The following ADAM7 variants were observed in gnomAD, a reference collection of about 807,000 sequenced individuals.
ADAM7 encodes the protein ADAM metallopeptidase domain 7, also known as disintegrin and metalloproteinase domain-containing protein 7.
Under a neutral mutation model 102.9 loss-of-function variants are expected in ADAM7, and 97 were observed. The ratio of observed to expected loss-of-function variants is 0.94; its 90% CI spans 0.80 to 1.12. The LOEUF (loss-of-function observed/expected upper bound fraction) is 1.12. ADAM7 is among the 50% of genes most tolerant of loss of function. ADAM7 has a pLI of 0.00. For synonymous variants in ADAM7, 334 were observed against 304.4 expected (o/e 1.10, Z -1.01); for missense variants, 991 against 908.7 (o/e 1.09, Z -1.16).
In ADAM7 at chr8:24,493,049, C is replaced by T. The variant is rs1305137094; in HGVS notation, c.1662C>T (p.Val554=). The part of the protein sequence containing the change: ...NRFLPCEEKD[V]RCGKIYCTGG... Reference sequence around the variant, plus strand: ...TATTCTGCCTTTCCTTCAGAGATGTCAGATGTGGAAAGATCTACTGCACTG... The same window carrying T: ...TATTCTGCCTTTCCTTCAGAGATGTTAGATGTGGAAAGATCTACTGCACTG... The change falls in exon 16 of 22, where the codon GTC becomes GTT. Residue 554 remains valine (V), a synonymous_variant. Coordinates refer to ENST00000175238, the MANE Select transcript of ADAM7 (RefSeq NM_003817.4). 6.3e-7 allele frequency: 1 copy of T among 1,579,626 alleles called. No individual in the cohort carries two copies. The highest frequency in any genetic ancestry group is 8.6e-7 in the Non-Finnish European group (1 of 1,168,412).
chr8:24,466,226 T>C (rs1315660545), intron 5 of ADAM7, among the ~76,000 whole-genome samples: 2 of 152,208 alleles, frequency 1.3e-5, no homozygotes, highest in African/African-American at 4.8e-5. Context: ...GTTTGCAGCC[T>C]CTTGAAAGTA....
intron 2 of ADAM7, among the ~76,000 whole-genome samples, chr8:24,445,498 C>T (rs1307580667): frequency 6.6e-6 from 1 of 152,208 alleles, no homozygotes; most frequent in Non-Finnish European, 1.5e-5. Context: ...CTCTCTCTTA[C>T]TCCATCTGAC....
chr8:24,441,157 A>G lies in ADAM7; in HGVS notation c.49A>G (p.Lys17Glu). The G allele has an allele frequency of 6.2e-7, 1 of 1,612,528 alleles. No homozygotes were observed. The highest frequency in any genetic ancestry group is 8.5e-7 in the Non-Finnish European group (1 of 1,178,520). Residue 17 changes from lysine to glutamate, a missense_variant, in exon 1 of 22, where the codon AAA becomes GAA. Coordinates refer to ENST00000175238, the MANE Select transcript of ADAM7 (RefSeq NM_003817.4). ...FLMILLIPQV[K>E]EKFILGVEGQ... The stretch of plus-strand genomic sequence containing the variant: ...GATGATTTTACTCATTCCTCAGGTT[A>G]AAGGTATGTCTTGCTCTTTTTATCA...
Position 24,487,317 on chromosome 8 carries a change from G to C in ADAM7, c.1091G>C (p.Ser364Thr). 6.2e-7 allele frequency: 1 copy of C among 1,613,364 alleles called. No homozygotes were observed. The highest frequency in any genetic ancestry group is 8.5e-7 in the Non-Finnish European group (1 of 1,179,612). Residue 364 changes from serine to threonine, a missense_variant and splice_region_variant, in exon 11 of 22, where the codon AGC becomes ACC. Ser to Thr is a moderately conservative substitution (Grantham distance 58, BLOSUM62 1). Transcript: ENST00000175238. ...SGKCVMDSDG[S>T]IPALKFSKCS... is the part of the protein sequence containing the mutation. ...AAATGCGTGATGGACAGTGATGGAAGGTGAGATTCGAACAATGTACAGAAT... is the reference window on the plus strand; with the variant it reads ...AAATGCGTGATGGACAGTGATGGAACGTGAGATTCGAACAATGTACAGAAT...
intron 3 of ADAM7, among the ~76,000 whole-genome samples, chr8:24,461,985 T>C (rs1278818734): frequency 6.6e-6 from 1 of 152,244 alleles, no homozygotes; most frequent in Non-Finnish European, 1.5e-5. Flanking sequence ...AAGCCTCTGC[T>C]GATCATCTTT....
chr8:24,441,867 T>C (rs1032196955), intron 1 of ADAM7, among the ~76,000 whole-genome samples: 3 of 152,136 alleles, frequency 2.0e-5, no homozygotes, highest in African/African-American at 4.8e-5. Flanking sequence ...GAGGTTGGCA[T>C]GAGGATAACA....
intron 20 of ADAM7, chr8:24,506,199 T>C: frequency 7.1e-7 from 1 of 1,400,164 alleles, no homozygotes; most frequent in South Asian, 1.3e-5. Context: ...GCTATGTCCT[T>C]TCCAATAATA....
chr8:24,490,588 C>T (rs1585911191), intron 12 of ADAM7: 4 of 509,056 alleles, frequency 7.9e-6, no homozygotes, highest in Non-Finnish European at 1.4e-5. Context: ...AATCCATTAC[C>T]CGTAATGTAC....
At chr8:24,445,148 C>T (rs80196110) in intron 2 of ADAM7, among the ~76,000 whole-genome samples, 1,713 of 152,044 alleles carry the variant, frequency 0.011, 32 homozygotes, top group African/African-American at 0.039. Context: ...ACCATTACAC[C>T]CATACATGCA....
chr8:24,505,594 C>T (rs111850259), intron 20 of ADAM7, among the ~76,000 whole-genome samples: 1 of 152,174 alleles, frequency 6.6e-6, no homozygotes, highest in Non-Finnish European at 1.5e-5. Context: ...CCGTCTTTGG[C>T]GTCTTTTACC....
intron 20 of ADAM7, among the ~76,000 whole-genome samples, chr8:24,504,828 T>C (rs750256405): frequency 2.6e-5 from 4 of 152,166 alleles, no homozygotes; most frequent in African/African-American, 7.2e-5. Context: ...CACTGGCATA[T>C]AGAGATAGTG....
In ADAM7 at chr8:24,449,183, C is replaced by G. The variant is rs182585496; in HGVS notation, c.233+1921C>G. On this transcript the variant is annotated intron_variant, in intron 3 of 21. Coordinates refer to ENST00000175238, the MANE Select transcript of ADAM7 (RefSeq NM_003817.4). ...GTATATACCCAGTAATGGGATGGCT[C>G]GGTCAAATGGTATTTCTAGTTCCAG... Among the ~76,000 whole-genome samples the G allele has an allele frequency of 4.6e-3, 701 of 152,164 alleles. 5 individuals carry two copies. Among genetic ancestry groups the G allele is most frequent in the African/African-American group, 0.012 (514 of 41,534 alleles).
chr8:24,489,389 A>T, intron 12 of ADAM7, 56 bp downstream of exon 12: 1 of 1,501,136 alleles, frequency 6.7e-7, no homozygotes, highest in Admixed American at 2.1e-5. Flanking sequence ...GGTAGAACCT[A>T]GGCAGGGATG....
At chr8:24,495,835 A>G (rs946921873) in intron 16 of ADAM7, among the ~76,000 whole-genome samples, 19 of 152,240 alleles carry the variant, frequency 1.2e-4, no homozygotes, top group African/African-American at 4.6e-4. Flanking sequence ...CAGAGCATAA[A>G]AGTTCAAAAA....
chr8:24,442,706 C>T lies in ADAM7; in HGVS notation c.156+130C>T, dbSNP rs1818416899. ...TTTCTAAGGACTCCCATTCGGCATA[C>T]ACCATGTGCTTGGGAATAAGCAACC... On this transcript the variant is annotated intron_variant, in intron 2 of 21. Coordinates refer to ENST00000175238, the MANE Select transcript of ADAM7 (RefSeq NM_003817.4). The T allele has an allele frequency of 4.2e-5, 30 of 715,234 alleles. No homozygotes were observed. The South Asian group carries it at 4.8e-4, about 11-fold the overall frequency. 44.3% of individuals were successfully genotyped at this position (715,234 alleles called of 1,614,324 possible). A position where few individuals can be genotyped will look rare whatever the true frequency, so the allele number is the denominator to read the frequency against.
At position 24,491,976 on chromosome 8, in the gene ADAM7, C is replaced by CTTA; in HGVS notation, c.1430_1431insTTA (p.Ser477_Pro478insTer). On this transcript the variant is annotated stop_gained and inframe_insertion, in exon 14 of 22. Coordinates refer to ENST00000175238, the MANE Select transcript of ADAM7 (RefSeq NM_003817.4). LOFTEE classifies it high-confidence loss of function. ...TTTCCTGAGATGTGCACTGGCCACT[C>CTTA]GCCTGCCTGTCCTAAGGACCAGTTC... 6.2e-7 allele frequency: 1 copy of CTTA among 1,613,902 alleles called. No individual in the cohort carries two copies. Among genetic ancestry groups the CTTA allele is most frequent in the Non-Finnish European group, 8.5e-7 (1 of 1,179,862 alleles).
chr8:24,441,197 T>C (rs1818361835), intron 1 of ADAM7, 37 bp downstream of exon 1: 1 of 1,569,454 alleles, frequency 6.4e-7, no homozygotes, highest in Non-Finnish European at 8.8e-7. Context: ...TTTCTTATTA[T>C]GCTGTGAGGT....
At chr8:24,483,066 C>A (rs1820014165) in intron 9 of ADAM7, among the ~76,000 whole-genome samples, 1 of 152,122 alleles carries the variant, frequency 6.6e-6, no homozygotes, top group Admixed American at 6.6e-5. Flanking sequence ...ACCATCTTCT[C>A]TACTATACAA....
intron 20 of ADAM7, among the ~76,000 whole-genome samples, chr8:24,502,120 T>C (rs1172604406): frequency 6.6e-6 from 1 of 152,246 alleles, no homozygotes; most frequent in Admixed American, 6.5e-5. Flanking sequence ...TGGAAAGATA[T>C]CACTAATTAG....
Sources: allele counts gnomAD v4.1 joint callset (sites outside exome capture counted in the v4.1 genomes callset), GRCh38; gene constraint gnomAD v4.1.1; transcripts MANE v1.5; gene names NCBI Gene and HGNC (gene_info 2026-07-23, HGNC 2026-07-21).